Variants in ASCC3 observed in about 807,000 individuals in gnomAD.
The protein encoded by ASCC3 is activating signal cointegrator 1 complex subunit 3, also known as ASC-1 complex subunit P200.
A neutral mutation model predicts 256.3 loss-of-function variants in ASCC3; 158 were observed. The observed-to-expected ratio is 0.62, with a 90% confidence interval of 0.54 to 0.70. The LOEUF (loss-of-function observed/expected upper bound fraction) is 0.70. Ranked by LOEUF, ASCC3 falls within the 30% of genes least tolerant of loss-of-function variation. The pLI is 0.00. For synonymous variants in ASCC3, 948 were observed against 883.4 expected, an observed-to-expected ratio of 1.07 and a Z score of -1.30; for missense variants, 2,259 against 2,626.0, an observed-to-expected ratio of 0.86 and a Z score of 3.05.
At chr6:100,820,533 C>T (rs79961837) in intron 4 of ASCC3, among the ~76,000 whole-genome samples, 1,630 of 152,010 alleles carry the variant, frequency 0.011, 21 homozygotes, top group Non-Finnish European at 0.015. Context: ...ATAAAACTCT[C>T]AGAAGAAAAC....
intron 10 of ASCC3, among the ~76,000 whole-genome samples, chr6:100,748,685 C>T (rs1161303556): frequency 6.6e-6 from 1 of 151,874 alleles, no homozygotes; most frequent in Non-Finnish European, 1.5e-5. Flanking sequence ...AAATACTTTA[C>T]AATATATAAA....
intron 4 of ASCC3, among the ~76,000 whole-genome samples, chr6:100,824,125 A>G (rs1050469196): frequency 6.6e-6 from 1 of 152,214 alleles, no homozygotes; most frequent in Admixed American, 6.5e-5. Context: ...AAGAATAAAT[A>G]TGACAAACCT....
rs149287969 is a variant in ASCC3, at chr6:100,847,217, G to C, written c.801+931C>G. ...TTTCAGTTTATTATAATCATAATTG[G>C]ATAACTACTATGTATTCAATTATGA... On this transcript the variant is annotated intron_variant, in intron 4 of 41. Coordinates refer to ENST00000369162, the MANE Select transcript of ASCC3 (RefSeq NM_006828.4). Among the ~76,000 whole-genome samples, 34 of 152,100 alleles carry C rather than the reference G, an allele frequency of 2.2e-4. No homozygotes were observed. In the East Asian group the frequency reaches 4.6e-3, roughly 21 times the overall value.
At chr6:100,694,147 GA>G (rs200960281) in intron 13 of ASCC3, among the ~76,000 whole-genome samples, 1 of 151,756 alleles carries the variant, frequency 6.6e-6, no homozygotes, top group African/African-American at 2.4e-5. Context: ...ATATTTTTGG[GA>G]AAAAAATTGG....
At chr6:100,871,531 C>A (rs944081410) in intron 1 of ASCC3, among the ~76,000 whole-genome samples, 2 of 152,170 alleles carry the variant, frequency 1.3e-5, no homozygotes, top group Non-Finnish European at 2.9e-5. Flanking sequence ...CACTTTGGGG[C>A]CAAGCCAGGT....
At chr6:100,725,420 A>G in intron 11 of ASCC3, 119 bp downstream of exon 11, 1 of 1,138,056 alleles carries the variant, frequency 8.8e-7, no homozygotes, top group South Asian at 1.4e-5. Context: ...TAAAAATATG[A>G]AGATTATGTC....
chr6:100,775,303 T>A (rs187250561), intron 8 of ASCC3, among the ~76,000 whole-genome samples: 1 of 152,232 alleles, frequency 6.6e-6, no homozygotes, highest in African/African-American at 2.4e-5. Flanking sequence ...ATTTAAATTA[T>A]GAAAGAAAAA....
At chr6:100,825,928 T>C (rs1324174038) in intron 4 of ASCC3, among the ~76,000 whole-genome samples, 2 of 151,922 alleles carry the variant, frequency 1.3e-5, no homozygotes, top group African/African-American at 2.4e-5. Flanking sequence ...TAATTGAACA[T>C]AGTATTTCAA....
chr6:100,800,480 T>C lies in ASCC3; in HGVS notation c.947A>G (p.Glu316Gly). Residue 316 changes from glutamate (E) to glycine (G), a missense_variant, in exon 6 of 42, where the codon GAA (glutamate) becomes GGA (glycine). Transcript: ENST00000369162. ...ACAACCATAATTGGGTTTAGCATTT[T>C]CTCCTAAAATTTTTTTACAATTGTC... ...LQDNCKKILG[E>G]NAKPNYGCQV... is the part of the protein sequence containing the mutation. 1.2e-6 allele frequency: 2 copies of C among 1,610,890 alleles called. No homozygotes were observed. Among genetic ancestry groups the C allele is most frequent in the Non-Finnish European group, 8.5e-7 (1 of 1,178,510 alleles).
intron 13 of ASCC3, among the ~76,000 whole-genome samples, chr6:100,709,605 A>G (rs1562241375): frequency 6.6e-6 from 1 of 152,222 alleles, no homozygotes; most frequent in Admixed American, 6.5e-5. Context: ...ACCTGAATAA[A>G]GATTCCTTTT....
chr6:100,557,210 C>CT (rs902341842), intron 36 of ASCC3, among the ~76,000 whole-genome samples: 3 of 152,090 alleles, frequency 2.0e-5, no homozygotes, highest in Admixed American at 6.6e-5. Context: ...GATTGCTCTT[C>CT]TTTTTCCAGC....
intron 37 of ASCC3, among the ~76,000 whole-genome samples, chr6:100,539,297 A>G (rs776970315): frequency 5.3e-5 from 8 of 152,148 alleles, no homozygotes; most frequent in Non-Finnish European, 1.0e-4. Context: ...ATTAAAGAAT[A>G]CCCACAATTA....
intron 25 of ASCC3, among the ~76,000 whole-genome samples, chr6:100,632,195 A>G (rs1338855168): frequency 6.6e-6 from 1 of 150,652 alleles, no homozygotes; most frequent in Non-Finnish European, 1.5e-5. Context: ...AAAAAAAAAA[A>G]AAAAAAAGAA....
chr6:100,524,002 T>C (rs148549946), intron 37 of ASCC3, among the ~76,000 whole-genome samples: 46 of 152,280 alleles, frequency 3.0e-4, no homozygotes, highest in African/African-American at 1.1e-3. Flanking sequence ...AGCTCTCATC[T>C]AATATTTAAC....
intron 25 of ASCC3, 113 bp downstream of exon 25, chr6:100,638,488 C>T: frequency 1.1e-6 from 1 of 893,040 alleles, no homozygotes; most frequent in Non-Finnish European, 1.7e-6. Context: ...GGGAAATTCA[C>T]TGAGAGTGAC....
Position 100,532,335 on chromosome 6 carries a change from C to CGTGTGTGT in ASCC3, c.5775+7820_5775+7827dup, listed in dbSNP as rs3073701. Among the ~76,000 whole-genome samples the CGTGTGTGT allele has an allele frequency of 2.9e-3, 289 of 99,760 alleles. 4 individuals are homozygous for CGTGTGTGT. The highest frequency in any genetic ancestry group is 0.016 in the East Asian group (50 of 3,214). The allele number at this position is 99,760 out of a possible 152,430, so 65.4% of individuals were successfully genotyped here. ...CTCATCAAAGCAGAATGCTATCTTG[C>CGTGTGTGT]GTGTGTGTGTGTGTGTGTGTGTGTG... On this transcript the variant is annotated intron_variant, in intron 37 of 41. Coordinates refer to ENST00000369162, the MANE Select transcript of ASCC3 (RefSeq NM_006828.4).
At chr6:100,549,607 A>G (rs1769188728) in intron 36 of ASCC3, among the ~76,000 whole-genome samples, 1 of 151,870 alleles carries the variant, frequency 6.6e-6, no homozygotes, top group African/African-American at 2.4e-5. Flanking sequence ...GACTCATTTC[A>G]ACCTGTTTAA....
At chr6:100,587,107 G>C (rs1317392181) in intron 36 of ASCC3, among the ~76,000 whole-genome samples, 2 of 152,086 alleles carry the variant, frequency 1.3e-5, no homozygotes, top group African/African-American at 4.8e-5. Flanking sequence ...AATGGAAACA[G>C]ATCTTTGAAA....
At position 100,530,342 on chromosome 6, in the gene ASCC3, G is replaced by GA. The variant is rs1385804271; in HGVS notation, c.5775+9820dup. The GA allele has an allele frequency of 4.5e-5, 62 of 1,385,262 alleles. No homozygotes were observed. The South Asian group carries it at 5.7e-4, about 13-fold the overall frequency. 85.8% of individuals were successfully genotyped at this position (1,385,262 alleles called of 1,614,324 possible). ...GTTTATGATCTTCACACAATCTAGT[G>GA]AAAAAAACCGCAGTAAGTTGTCTAT... On this transcript the variant is annotated intron_variant, in intron 37 of 41. Transcript: ENST00000369162.
Sources: allele counts gnomAD v4.1 joint callset (sites outside exome capture counted in the v4.1 genomes callset), GRCh38; gene constraint gnomAD v4.1.1; transcripts MANE v1.5; gene names NCBI Gene and HGNC (gene_info 2026-07-23, HGNC 2026-07-21).